Variants in CTNNA2 observed in about 807,000 individuals in gnomAD.
The protein encoded by CTNNA2 is catenin alpha-2.
Under a neutral mutation model 101.0 loss-of-function variants are expected in CTNNA2, and 42 were observed. The ratio of observed to expected loss-of-function variants is 0.42; its 90% CI spans 0.32 to 0.54. The LOEUF (loss-of-function observed/expected upper bound fraction) is 0.54. CTNNA2 is among the 20% of genes least tolerant of loss of function. The pLI, the probability that CTNNA2 is intolerant of heterozygous loss-of-function variation, is 0.14. For synonymous variants in CTNNA2, 450 were observed against 456.4 expected (o/e 0.99, Z 0.18); for missense variants, 871 against 1,223.1 (o/e 0.71, Z 4.29).
At chr2:80,608,343 T>A (rs772196721) in intron 17 of CTNNA2, 25 bp downstream of exon 17, 2 of 1,595,418 alleles carry the variant, frequency 1.3e-6, no homozygotes, top group Non-Finnish European at 1.7e-6. Flanking sequence ...GGCTTCACAA[T>A]GTAAAGTTCC....
intron 7 of CTNNA2, among the ~76,000 whole-genome samples, chr2:80,172,667 T>A (rs1016091150): frequency 6.6e-6 from 1 of 152,170 alleles, no homozygotes; most frequent in Non-Finnish European, 1.5e-5. Context: ...AGGCCAGAAG[T>A]CTGAGATCAA....
intron 3 of CTNNA2, among the ~76,000 whole-genome samples, chr2:79,767,842 C>T (rs1027198022): frequency 6.6e-6 from 1 of 151,198 alleles, no homozygotes; most frequent in African/African-American, 2.4e-5. Context: ...CTTTCTTCTC[C>T]TCTCCTCAAG....
At chr2:79,708,589 T>G (rs957335332) in intron 2 of CTNNA2, among the ~76,000 whole-genome samples, 1 of 152,206 alleles carries the variant, frequency 6.6e-6, no homozygotes, top group Non-Finnish European at 1.5e-5. Context: ...TTTCATAAAA[T>G]TGTACATACC....
chr2:80,272,626 C>G (rs1387479114), intron 7 of CTNNA2, among the ~76,000 whole-genome samples: 1 of 152,156 alleles, frequency 6.6e-6, no homozygotes, highest in Admixed American at 6.5e-5. Context: ...TAGCTGAGAA[C>G]AACTCCATAT....
intron 3 of CTNNA2, among the ~76,000 whole-genome samples, chr2:79,815,178 G>T (rs1677388706): frequency 1.3e-5 from 2 of 152,160 alleles, no homozygotes; most frequent in Admixed American, 6.5e-5. Flanking sequence ...TTCGTTCTTT[G>T]TCAGATGTAT....
At chr2:80,492,414 C>T (rs543517000) in intron 9 of CTNNA2, among the ~76,000 whole-genome samples, 2 of 152,328 alleles carry the variant, frequency 1.3e-5, no homozygotes, top group South Asian at 4.1e-4. Flanking sequence ...TGAGAATGGA[C>T]TCATACAGAT....
chr2:79,868,574 A>G (rs1314992769), intron 4 of CTNNA2, among the ~76,000 whole-genome samples: 1 of 152,240 alleles, frequency 6.6e-6, no homozygotes, highest in Non-Finnish European at 1.5e-5. Flanking sequence ...AATATAATCT[A>G]TGGTTATTTT....
intron 6 of CTNNA2, among the ~76,000 whole-genome samples, chr2:79,897,130 G>C (rs972997819): frequency 6.6e-6 from 1 of 152,088 alleles, no homozygotes. Flanking sequence ...ATTCCCTTAT[G>C]AATTTTGATA....
intron 7 of CTNNA2, among the ~76,000 whole-genome samples, chr2:80,245,794 C>CTTTTTTT (rs34625586): frequency 5.1e-5 from 3 of 58,912 alleles, no homozygotes; most frequent in Admixed American, 2.4e-4. Context: ...TATGATTTAA[C>CTTTTTTT]TTTTTTTTTT....
chr2:80,645,472 A>G (rs1044867317), intron 18 of CTNNA2, among the ~76,000 whole-genome samples: 15 of 152,180 alleles, frequency 9.9e-5, no homozygotes, highest in Non-Finnish European at 5.9e-5. Flanking sequence ...GTAAACCATC[A>G]AGACAGTCTT....
chr2:79,431,983 A>G (rs1259202329), intron 4 of CTNNA2, among the ~76,000 whole-genome samples: 2 of 152,238 alleles, frequency 1.3e-5, no homozygotes, highest in Non-Finnish European at 2.9e-5. Context: ...ACTGGTTCAT[A>G]GAAATCTTAC....
intron 12 of CTNNA2, among the ~76,000 whole-genome samples, chr2:80,565,977 A>G (rs1694023279): frequency 6.6e-6 from 1 of 152,164 alleles, no homozygotes; most frequent in Admixed American, 6.5e-5. Flanking sequence ...TCCTGGAACC[A>G]ATAAATATGC....
At chr2:80,402,848 G>A (rs1170272064) in intron 8 of CTNNA2, among the ~76,000 whole-genome samples, 2 of 149,190 alleles carry the variant, frequency 1.3e-5, no homozygotes, top group Non-Finnish European at 3.0e-5. Context: ...ATTTCACAAG[G>A]CTCCTCTCTT....
chr2:79,779,935 C>A (rs1328302123), intron 3 of CTNNA2, among the ~76,000 whole-genome samples: 2 of 152,130 alleles, frequency 1.3e-5, no homozygotes, highest in African/African-American at 4.8e-5. Context: ...TACCCGCCTG[C>A]CTTTTGAAAT....
chr2:80,165,255 C>T (rs1013939705), intron 7 of CTNNA2, among the ~76,000 whole-genome samples: 5 of 150,930 alleles, frequency 3.3e-5, no homozygotes, highest in Non-Finnish European at 5.9e-5. Flanking sequence ...TCTGGTTTCT[C>T]TCTGTTGTTC....
chr2:80,646,891 C>A (rs1158029326), intron 18 of CTNNA2, among the ~76,000 whole-genome samples: 1 of 151,968 alleles, frequency 6.6e-6, no homozygotes, highest in Non-Finnish European at 1.5e-5. Flanking sequence ...TCTAAAAGGG[C>A]ATGACGATAA....
chr2:79,300,804 T>C (rs1676091027), intron 2 of CTNNA2, among the ~76,000 whole-genome samples: 1 of 152,186 alleles, frequency 6.6e-6, no homozygotes, highest in African/African-American at 2.4e-5. Context: ...TCCTCATTAT[T>C]GCTAGAGAGA....
chr2:79,584,509 A>T (rs943113753), intron 1 of CTNNA2, among the ~76,000 whole-genome samples: 2 of 151,502 alleles, frequency 1.3e-5, no homozygotes, highest in Non-Finnish European at 2.9e-5. Flanking sequence ...ATGTAGAAGC[A>T]GGTAGATTTT....
chr2:79,194,641 G>A (rs1398440978), intron 1 of CTNNA2, among the ~76,000 whole-genome samples: 2 of 152,184 alleles, frequency 1.3e-5, no homozygotes, highest in Middle Eastern at 3.2e-3. Flanking sequence ...CAGGGCAGAT[G>A]CCCAAACTGC....
Sources: allele counts gnomAD v4.1 joint callset (sites outside exome capture counted in the v4.1 genomes callset), GRCh38; gene constraint gnomAD v4.1.1; transcripts MANE v1.5; gene names NCBI Gene and HGNC (gene_info 2026-07-23, HGNC 2026-07-21).